The following CPNE4 variants were observed in gnomAD, a reference collection of about 807,000 sequenced individuals.
CPNE4 encodes copine-4.
A neutral mutation model predicts 67.9 loss-of-function variants in CPNE4; 25 were observed. The observed-to-expected ratio is 0.37, with a 90% CI of 0.27 to 0.51. The LOEUF is 0.51. CPNE4 is among the 20% of genes least tolerant of loss of function. The pLI is 0.93. For synonymous variants in CPNE4, 242 were observed against 244.9 expected, an observed-to-expected ratio of 0.99 and a Z score of 0.11; for missense variants, 464 against 690.8, an observed-to-expected ratio of 0.67 and a Z score of 3.68.
intron 2 of CPNE4, among the ~76,000 whole-genome samples, chr3:131,788,495 G>A (rs1390061726): frequency 1.3e-5 from 2 of 152,042 alleles, no homozygotes; most frequent in Admixed American, 6.6e-5. Context: ...ATTTTAAAAA[G>A]GTAATACTCA....
chr3:131,848,519 G>A (rs2086093156), intron 2 of CPNE4, among the ~76,000 whole-genome samples: 1 of 149,766 alleles, frequency 6.7e-6, no homozygotes, highest in African/African-American at 2.5e-5. Flanking sequence ...TTAAATATAA[G>A]AAAGGAAAGG....
chr3:131,761,580 G>A (rs2107814459), intron 2 of CPNE4, among the ~76,000 whole-genome samples: 1 of 152,174 alleles, frequency 6.6e-6, no homozygotes, highest in East Asian at 1.9e-4. Context: ...AATTGGCAGA[G>A]GTTGGGGATG....
chr3:131,577,479 C>G (rs1371858415), intron 9 of CPNE4, among the ~76,000 whole-genome samples: 3 of 152,118 alleles, frequency 2.0e-5, no homozygotes, highest in Non-Finnish European at 2.9e-5. Context: ...TCCTAGGCCA[C>G]AAGCCTGTAC....
chr3:131,808,429 CCA>C (rs1391017419), intron 2 of CPNE4, among the ~76,000 whole-genome samples: 6 of 151,870 alleles, frequency 4.0e-5, no homozygotes, highest in African/African-American at 1.5e-4. Context: ...TAAATAAAAA[CCA>C]CAGTCACTAT....
At chr3:131,620,614 C>T (rs983854405) in intron 7 of CPNE4, 1 of 263,090 alleles carries the variant, frequency 3.8e-6, no homozygotes, top group Non-Finnish European at 5.9e-6. Flanking sequence ...TATTTTGAGA[C>T]AAGAATAGAA....
intron 3 of CPNE4, among the ~76,000 whole-genome samples, chr3:131,717,018 A>G (rs988409877): frequency 7.1e-4 from 108 of 152,260 alleles, no homozygotes; most frequent in African/African-American, 2.5e-3. Context: ...CCTTCTTTTT[A>G]CTCTGGAGTT....
chr3:131,618,022 T>A (rs1467015883), intron 7 of CPNE4, among the ~76,000 whole-genome samples: 2 of 152,224 alleles, frequency 1.3e-5, no homozygotes, highest in Non-Finnish European at 2.9e-5. Flanking sequence ...ATGTGGTACC[T>A]GTTTTCCAGA....
intron 3 of CPNE4, among the ~76,000 whole-genome samples, chr3:131,720,189 G>A (rs2081844357): frequency 6.6e-6 from 1 of 151,962 alleles, no homozygotes; most frequent in Admixed American, 6.6e-5. Flanking sequence ...TTGCTTGCAA[G>A]CTCTTTGTGA....
intron 2 of CPNE4, among the ~76,000 whole-genome samples, chr3:131,794,786 G>C (rs1583211146): frequency 6.6e-6 from 1 of 152,162 alleles, no homozygotes; most frequent in Non-Finnish European, 1.5e-5. Context: ...TTGAGTACTA[G>C]GTAGTTGAGT....
At chr3:131,945,982 T>A (rs370004711) in intron 1 of CPNE4, among the ~76,000 whole-genome samples, 23 of 152,306 alleles carry the variant, frequency 1.5e-4, no homozygotes, top group African/African-American at 5.3e-4. Flanking sequence ...TACTAGAAGC[T>A]CTGGTAGCTA....
intron 2 of CPNE4, among the ~76,000 whole-genome samples, chr3:131,831,566 G>T (rs984330215): frequency 6.6e-6 from 1 of 152,108 alleles, no homozygotes; most frequent in African/African-American, 2.4e-5. Context: ...TTCTGAGTCT[G>T]AAGTCTTTCT....
At chr3:131,540,165 G>A (rs952776679) in intron 15 of CPNE4, among the ~76,000 whole-genome samples, 4 of 152,308 alleles carry the variant, frequency 2.6e-5, no homozygotes, top group Admixed American at 2.6e-4. Flanking sequence ...ATTGACTGCT[G>A]TTGCTGTTAC....
intron 3 of CPNE4, among the ~76,000 whole-genome samples, chr3:131,716,999 G>A (rs2081710525): frequency 6.6e-6 from 1 of 152,212 alleles, no homozygotes; most frequent in African/African-American, 2.4e-5. Context: ...CAGAACACAG[G>A]AAGAAGGACC....
chr3:131,725,765 G>A (rs1041593971), intron 2 of CPNE4, among the ~76,000 whole-genome samples: 10 of 152,166 alleles, frequency 6.6e-5, no homozygotes, highest in African/African-American at 1.9e-4. Context: ...TAATAAGGTA[G>A]CTGTTTTTAT....
intron 1 of CPNE4, among the ~76,000 whole-genome samples, chr3:131,986,421 G>A (rs1310513273): frequency 6.6e-6 from 1 of 152,212 alleles, no homozygotes; most frequent in Non-Finnish European, 1.5e-5. Flanking sequence ...ACAGGATGAT[G>A]AGAGCAACAA....
intron 14 of CPNE4, among the ~76,000 whole-genome samples, chr3:131,543,696 G>T (rs1318193721): frequency 6.6e-6 from 1 of 152,130 alleles, no homozygotes; most frequent in Admixed American, 6.6e-5. Flanking sequence ...TTAAAATACA[G>T]TTACTGAAGA....
intron 2 of CPNE4, among the ~76,000 whole-genome samples, chr3:131,801,648 G>A (rs1359734605): frequency 3.3e-5 from 5 of 149,760 alleles, no homozygotes; most frequent in Non-Finnish European, 7.4e-5. Context: ...GGTATGGGTC[G>A]TTACTTATTA....
At chr3:131,742,360 T>C (rs1469534754) in intron 2 of CPNE4, among the ~76,000 whole-genome samples, 1 of 152,200 alleles carries the variant, frequency 6.6e-6, no homozygotes, top group Non-Finnish European at 1.5e-5. Flanking sequence ...CTCCTTTTTC[T>C]AAGGCCTTTA....
chr3:131,549,835 T>A, intron 14 of CPNE4, 112 bp downstream of exon 14: 1 of 1,261,482 alleles, frequency 7.9e-7, no homozygotes. Flanking sequence ...TTGTCCAAAT[T>A]CACACAGGGA....
Sources: allele counts gnomAD v4.1 joint callset (sites outside exome capture counted in the v4.1 genomes callset), GRCh38; gene constraint gnomAD v4.1.1; transcripts MANE v1.5; gene names NCBI Gene and HGNC (gene_info 2026-07-23, HGNC 2026-07-21).